The following DLG2 variants were observed in gnomAD, a reference collection of about 807,000 sequenced individuals.
DLG2 encodes disks large homolog 2.
In DLG2, 45 loss-of-function variants were observed where a neutral mutation model predicts 132.5. That is an observed-to-expected ratio of 0.34 (90% CI 0.27 to 0.44). The LOEUF (loss-of-function observed/expected upper bound fraction) is 0.44. Ranked by LOEUF, DLG2 falls within the 20% of genes least tolerant of loss-of-function variation. The pLI, the probability that DLG2 is intolerant of heterozygous loss-of-function variation, is 1.00. For missense variants in DLG2, 1,045 were observed against 1,196.9 expected, an observed-to-expected ratio of 0.87 and a Z score of 1.87; for synonymous variants, 424 against 419.6, an observed-to-expected ratio of 1.01 and a Z score of -0.13.
chr11:83,832,660 C>T (rs544074620), intron 17 of DLG2, among the ~76,000 whole-genome samples: 20 of 152,272 alleles, frequency 1.3e-4, no homozygotes, highest in African/African-American at 4.8e-4. Context: ...ACTACTCTCA[C>T]TATCTGGGTA....
chr11:84,828,827 ATG>A (rs1170798635), intron 6 of DLG2, among the ~76,000 whole-genome samples: 1 of 151,798 alleles, frequency 6.6e-6, no homozygotes, highest in African/African-American at 2.4e-5. Context: ...TTGTACGGCT[ATG>A]TGTTGGTATG....
chr11:83,622,425 A>G (rs896880319), intron 19 of DLG2, among the ~76,000 whole-genome samples: 1 of 152,176 alleles, frequency 6.6e-6, no homozygotes, highest in African/African-American at 2.4e-5. Context: ...TGGCTCATAC[A>G]ACTGTAATGA....
intron 7 of DLG2, among the ~76,000 whole-genome samples, chr11:84,378,201 G>A (rs969030625): frequency 6.6e-6 from 1 of 152,130 alleles, no homozygotes; most frequent in Non-Finnish European, 1.5e-5. Context: ...ATTAGGATTA[G>A]TGTCCCTAAA....
At chr11:84,466,831 G>A (rs568110806) in intron 7 of DLG2, among the ~76,000 whole-genome samples, 19 of 151,264 alleles carry the variant, frequency 1.3e-4, no homozygotes, top group African/African-American at 1.7e-4. Flanking sequence ...AATGTTATTT[G>A]TGACAGTATT....
At chr11:84,541,942 C>G (rs1028922306) in intron 6 of DLG2, among the ~76,000 whole-genome samples, 1 of 152,140 alleles carries the variant, frequency 6.6e-6, no homozygotes, top group African/African-American at 2.4e-5. Context: ...TTACATGTGC[C>G]TGATCTGTCA....
intron 6 of DLG2, among the ~76,000 whole-genome samples, chr11:84,847,638 C>T (rs1033470912): frequency 3.9e-5 from 6 of 152,068 alleles, no homozygotes; most frequent in African/African-American, 1.4e-4. Context: ...GGCTTTAGCT[C>T]AAGAAACAAT....
chr11:85,124,635 T>C (rs1279773889), intron 5 of DLG2, among the ~76,000 whole-genome samples: 1 of 152,186 alleles, frequency 6.6e-6, no homozygotes, highest in East Asian at 1.9e-4. Flanking sequence ...TATTCTCAGA[T>C]TGCCTTTGGT....
chr11:85,437,301 G>A (rs2091538401), intron 3 of DLG2, among the ~76,000 whole-genome samples: 2 of 146,468 alleles, frequency 1.4e-5, no homozygotes, highest in Non-Finnish European at 3.0e-5. Flanking sequence ...ATGTATCCTG[G>A]AACTTAAAGT....
Position 83,700,071 on chromosome 11 carries a change from T to C in DLG2, c.1826-66746A>G, listed in dbSNP as rs1234925259. 2.0e-5 allele frequency among the ~76,000 whole-genome samples: 3 copies of C among 151,684 alleles called. No homozygotes were observed. In the East Asian group the frequency reaches 5.8e-4, roughly 29 times the overall value. On this transcript the variant is annotated intron_variant, in intron 18 of 27. Transcript: ENST00000376104. Reference sequence around the variant, plus strand: ...AATGAGGGCAGGAGAGGAACAAAAGTTTTCAATAAATACCTTATAAAAATT... The same window carrying C: ...AATGAGGGCAGGAGAGGAACAAAAGCTTTCAATAAATACCTTATAAAAATT...
At chr11:83,883,899 A>G (rs1248546573) in intron 15 of DLG2, among the ~76,000 whole-genome samples, 1 of 152,238 alleles carries the variant, frequency 6.6e-6, no homozygotes, top group East Asian at 1.9e-4. Flanking sequence ...AGATAGTTCC[A>G]TAAATGTAGC....
At chr11:85,605,714 C>G (rs2080481529) in intron 2 of DLG2, among the ~76,000 whole-genome samples, 1 of 152,186 alleles carries the variant, frequency 6.6e-6, no homozygotes, top group Non-Finnish European at 1.5e-5. Flanking sequence ...AGCGGTGGCT[C>G]ACGCCTGTAA....
intron 3 of DLG2, among the ~76,000 whole-genome samples, chr11:85,390,141 A>G (rs1424962136): frequency 6.6e-6 from 1 of 152,108 alleles, no homozygotes; most frequent in Non-Finnish European, 1.5e-5. Flanking sequence ...ACATAAACTT[A>G]AGGTAAAGGG....
chr11:84,554,072 T>TA (rs2099407115), intron 6 of DLG2, among the ~76,000 whole-genome samples: 1 of 152,226 alleles, frequency 6.6e-6, no homozygotes, highest in Non-Finnish European at 1.5e-5. Context: ...TCAAATTCTC[T>TA]AAAACCCATG....
In DLG2 at chr11:84,730,053, G is replaced by A. The variant is rs565292858; in HGVS notation, c.358-195322C>T. 3.3e-5 allele frequency among the ~76,000 whole-genome samples: 5 copies of A among 151,978 alleles called. No individual in the cohort carries two copies. The South Asian group carries it at 1.0e-3, about 32-fold the overall frequency. On this transcript the variant is annotated intron_variant, in intron 6 of 27. Transcript: ENST00000376104. ...GTTTCCATTTTGAAAAAGCAACTCC[G>A]AAACACTACCCTCTACACCACCTCT...
intron 3 of DLG2, among the ~76,000 whole-genome samples, chr11:85,474,750 T>G (rs1397527404): frequency 6.6e-6 from 1 of 151,688 alleles, no homozygotes; most frequent in Admixed American, 6.6e-5. Flanking sequence ...ATTTTAGTTT[T>G]AATTCATTTA....
At position 84,098,035 on chromosome 11, in the gene DLG2, C is replaced by CTTTTTT. The variant is rs35298703; in HGVS notation, c.749+882_749+887dup. 6.2e-4 allele frequency among the ~76,000 whole-genome samples: 76 copies of CTTTTTT among 121,786 alleles called. 3 individuals are homozygous for CTTTTTT. The highest frequency in any genetic ancestry group is 2.3e-3 in the African/African-American group (70 of 31,096). The allele number at this position is 121,786 out of a possible 152,430, so 79.9% of individuals were successfully genotyped here. On this transcript the variant is annotated intron_variant, in intron 10 of 27. Transcript: ENST00000376104. ...CCACCAACCTAAACTCACCATGTGC[C>CTTTTTT]TTTTTTTTTTTTTTTTTCTTTTTTG...
intron 3 of DLG2, among the ~76,000 whole-genome samples, chr11:85,479,683 C>A (rs1024576422): frequency 2.6e-5 from 4 of 152,122 alleles, no homozygotes; most frequent in African/African-American, 9.7e-5. Flanking sequence ...GCGAGAACTA[C>A]AGTAATTAAG....
chr11:85,245,693 A>G (rs980185686), intron 4 of DLG2, among the ~76,000 whole-genome samples: 1 of 152,026 alleles, frequency 6.6e-6, no homozygotes, highest in Non-Finnish European at 1.5e-5. Context: ...TTCACTCAAA[A>G]TAAAGGTCAG....
At chr11:84,462,140 T>C (rs2099082037) in intron 7 of DLG2, among the ~76,000 whole-genome samples, 1 of 150,898 alleles carries the variant, frequency 6.6e-6, no homozygotes, top group Non-Finnish European at 1.5e-5. Context: ...TATAATTCTA[T>C]AATTTATAAT....
Sources: allele counts gnomAD v4.1 joint callset (sites outside exome capture counted in the v4.1 genomes callset), GRCh38; gene constraint gnomAD v4.1.1; transcripts MANE v1.5; gene names NCBI Gene and HGNC (gene_info 2026-07-23, HGNC 2026-07-21).